Variants in TEPSIN observed in about 807,000 individuals in gnomAD.
TEPSIN encodes the protein TEPSIN adaptor related protein complex 4 accessory protein.
TEPSIN carries 50 observed loss-of-function variants against 48.5 expected under a neutral mutation model. The ratio of observed to expected loss-of-function variants is 1.03; its 90% CI spans 0.82 to 1.31. The LOEUF (loss-of-function observed/expected upper bound fraction) is 1.31. TEPSIN is among the 50% of genes most tolerant of loss of function. The probability of loss-of-function intolerance (pLI) is 0.00; values close to 1 mark genes in which losing one functional copy is unlikely to be tolerated. For missense variants in TEPSIN, 838 were observed against 815.9 expected (o/e 1.03, Z -0.33); for synonymous variants, 392 against 358.8 (o/e 1.09, Z -1.05).
At chr17:81,229,515 AC>A (rs761460241) in intron 12 of TEPSIN, 39 bp from the exon 13 acceptor site, 1 of 1,543,934 alleles carries the variant, frequency 6.5e-7, no homozygotes, top group South Asian at 1.2e-5. Context: ...TTCCTATGCA[AC>A]CCTGGGAAAT....
At chr17:81,236,852 C>G (rs1178240593) in intron 3 of TEPSIN, 51 bp from the exon 4 acceptor site, 2 of 1,544,746 alleles carry the variant, frequency 1.3e-6, no homozygotes, top group African/African-American at 1.4e-5. Flanking sequence ...ACGGGACACC[C>G]AGGGCAGGGC....
At position 81,230,696 on chromosome 17, in the gene TEPSIN, G is replaced by A. The variant is rs1371764237; in HGVS notation, c.1099-18C>T. The A allele has an allele frequency of 2.0e-6, 3 of 1,520,352 alleles. No homozygotes were observed. Among genetic ancestry groups the A allele is most frequent in the Non-Finnish European group, 2.7e-6 (3 of 1,131,476 alleles). The allele number at this position is 1,520,352 out of a possible 1,614,324, so 94.2% of individuals were successfully genotyped here. A position where few individuals can be genotyped will look rare whatever the true frequency, so the allele number is the denominator to read the frequency against. On this transcript the variant is annotated intron_variant, in intron 11 of 12. Transcript: ENST00000637944. This position sits in a 1 kb window ranked among gnomAD's most constrained non-coding sequence, Gnocchi z 4.2. Reference sequence around the variant, plus strand: ...AGCGCCCTCTGCGGGTGAAGGGAGGGGACATCAGCACCCATGGGGCAGCAG... The same window carrying A: ...AGCGCCCTCTGCGGGTGAAGGGAGGAGACATCAGCACCCATGGGGCAGCAG...
rs1399551725 is a variant in TEPSIN at position 81,231,493 on chromosome 17, C to T, written c.1020-17G>A. 1 of 1,568,346 alleles carries T rather than the reference C, an allele frequency of 6.4e-7. No homozygotes were observed. The highest frequency in any genetic ancestry group is 1.4e-5 in the African/African-American group (1 of 74,020). ...AGTCCACACCTGCACAGAGGGGACA[C>T]CTGGGTGGCGGGTGCGGCCCGTTCC... On this transcript the variant is annotated splice_polypyrimidine_tract_variant and intron_variant, in intron 10 of 12. Coordinates refer to ENST00000637944, the MANE Select transcript of TEPSIN (RefSeq NM_001363764.2).
In TEPSIN at chr17:81,234,003, T is replaced by C. The variant is rs763763327; in HGVS notation, c.353A>G (p.Gln118Arg). Residue 118 changes from glutamine to arginine, a missense_variant, in exon 5 of 13, where the codon CAG becomes CGG. By Grantham distance (43) the Gln-to-Arg change is conservative. Coordinates refer to ENST00000637944, the MANE Select transcript of TEPSIN (RefSeq NM_001363764.2). The surrounding 1 kb of genome is among the most constrained non-coding windows in gnomAD (Gnocchi z 5.4). Reference protein sequence around the residue: ...PDPLHGNSLYQKVRAAAQDLG... With the variant: ...PDPLHGNSLYRKVRAAAQDLG... ...CACCTGCGCGGCCGCGCGAACCTTCTGGTACAAGCTGTTCCCGTGCAGAGG... is the reference window on the plus strand; with the variant it reads ...CACCTGCGCGGCCGCGCGAACCTTCCGGTACAAGCTGTTCCCGTGCAGAGG... The C allele has an allele frequency of 1.9e-6, 3 of 1,597,716 alleles. No individual in the cohort carries two copies. Among genetic ancestry groups the C allele is most frequent in the Non-Finnish European group, 2.6e-6 (3 of 1,175,482 alleles).
chr17:81,229,012 G>T lies in TEPSIN; in HGVS notation c.1698C>A (p.Arg566=), dbSNP rs147469175. The change falls in exon 13 of 13, where the codon CGC becomes CGA. Residue 566 remains arginine (R), a synonymous_variant. Transcript: ENST00000637944. ...TCCTCTGGGACGATGTTTGGGGGGC[G>T]CGGGGAGCATCAGGACAGGACTCTC... ...AAGESCPDAP[R]APQTSSQRTA... is the part of the protein sequence containing the mutation. The T allele has an allele frequency of 2.5e-5, 41 of 1,613,440 alleles. No individual in the cohort carries two copies. The African/African-American group carries it at 5.5e-4, about 22-fold the overall frequency.
At position 81,236,762 on chromosome 17, in the gene TEPSIN, A is replaced by C. The variant is rs2062728537; in HGVS notation, c.253T>G (p.Ser85Ala). 1 of 1,574,460 alleles carries C rather than the reference A, an allele frequency of 6.4e-7. No homozygotes were observed. Among genetic ancestry groups the C allele is most frequent in the African/African-American group, 1.4e-5 (1 of 73,912 alleles). Residue 85 changes from serine (S) to alanine (A), a missense_variant, in exon 4 of 13, where the codon TCC (serine) becomes GCC (alanine). Transcript: ENST00000637944. ...ILLYLCSHGS[S>A]FFLLILKRNS... Reference sequence around the variant, plus strand: ...CGTTTGAGGATGAGCAGGAAGAAGGAGGAGCCGTGGCTGCACAGATAGAGC... The same window carrying C: ...CGTTTGAGGATGAGCAGGAAGAAGGCGGAGCCGTGGCTGCACAGATAGAGC...
intron 1 of TEPSIN, chr17:81,238,741 C>T: frequency 3.9e-6 from 5 of 1,268,462 alleles, no homozygotes; most frequent in Admixed American, 4.3e-5. Context: ...GTTCGTTCCC[C>T]CAGGGTCTGG....
At position 81,230,264 on chromosome 17, in the gene TEPSIN, G is replaced by A. The variant is rs2062562750; in HGVS notation, c.1233+280C>T. ...AGGTAAGTGTGAGGCCAAGACACAA[G>A]GGCAGGAACATTAAGGCAGCGGAGT... On this transcript the variant is annotated intron_variant, in intron 12 of 12. Transcript: ENST00000637944. This position sits in a 1 kb window ranked among gnomAD's most constrained non-coding sequence, Gnocchi z 4.2. 1 of 469,336 alleles carries A rather than the reference G, an allele frequency of 2.1e-6. No individual in the cohort carries two copies. The highest frequency in any genetic ancestry group is 2.7e-5 in the South Asian group (1 of 37,664). The allele number at this position is 469,336 out of a possible 1,614,324, so 29.1% of individuals were successfully genotyped here. A position where few individuals can be genotyped will look rare whatever the true frequency, so the allele number is the denominator to read the frequency against.
At position 81,230,616 on chromosome 17, in the gene TEPSIN, G is replaced by A. The variant is rs752776197; in HGVS notation, c.1161C>T (p.Leu387=). ...CCTGCAGCCACGGCCGGGTGCGGAG[G>A]AGGATGTGCTCCTGGGGGAGGAGGT... ...SSDLLPQEHI[L]LRTRPWLQEL... is the part of the protein sequence containing the mutation. Residue 387 remains leucine, a synonymous_variant, in exon 12 of 13, where the codon CTC becomes CTT. Transcript: ENST00000637944. This position sits in a 1 kb window ranked among gnomAD's most constrained non-coding sequence, Gnocchi z 4.2. The A allele has an allele frequency of 1.2e-6, 2 of 1,606,374 alleles. No homozygotes were observed. The highest frequency in any genetic ancestry group is 1.7e-4 in the Middle Eastern group (1 of 5,976).
At chr17:81,237,844 A>C (rs535914151) in intron 1 of TEPSIN, 15 of 501,314 alleles carry the variant, frequency 3.0e-5, no homozygotes, top group Non-Finnish European at 4.0e-5. Flanking sequence ...CCTTTTCCAC[A>C]CAGGGGACTA....
Position 81,233,600 on chromosome 17 carries a change from A to G in TEPSIN, c.454+38T>C. On this transcript the variant is annotated intron_variant, in intron 6 of 12. Coordinates refer to ENST00000637944, the MANE Select transcript of TEPSIN (RefSeq NM_001363764.2). The surrounding 1 kb of genome is among the most constrained non-coding windows in gnomAD (Gnocchi z 5.8). The stretch of plus-strand genomic sequence containing the variant: ...CAGGACACTCAAGGAGGCAGAAACC[A>G]GGTGCCAGAGCTGGACACGGTCCCC... 1 of 1,576,282 alleles carries G rather than the reference A, an allele frequency of 6.3e-7. No homozygotes were observed. Among genetic ancestry groups the G allele is most frequent in the Non-Finnish European group, 8.6e-7 (1 of 1,160,422 alleles).
chr17:81,239,006 G>A lies in TEPSIN; in HGVS notation c.28C>T (p.Arg10Cys), dbSNP rs1347878206. The change falls in exon 1 of 13, where the codon CGC becomes TGC. Residue 10 changes from arginine (R) to cysteine (C), a missense_variant. By Grantham distance (180) the Arg-to-Cys change is radical. Coordinates refer to ENST00000637944, the MANE Select transcript of TEPSIN (RefSeq NM_001363764.2). MAAAPPLRD[R>C]LSFLHRLPIL... Reference sequence around the variant, plus strand: ...CTCACCCGGTGTAGAAAGCTCAGGCGGTCCCGTAGCGGCGGCGCGGCAGCC... The same window carrying A: ...CTCACCCGGTGTAGAAAGCTCAGGCAGTCCCGTAGCGGCGGCGCGGCAGCC... 2.7e-6 allele frequency: 4 copies of A among 1,488,410 alleles called. No homozygotes were observed. The highest frequency in any genetic ancestry group is 2.4e-5 in the Admixed American group (1 of 41,888). 92.2% of individuals were successfully genotyped at this position (1,488,410 alleles called of 1,614,324 possible). A position where few individuals can be genotyped will look rare whatever the true frequency, so the allele number is the denominator to read the frequency against.
rs11150778 is a variant in TEPSIN, at chr17:81,234,735, G to A, written c.308-687C>T. Among the ~76,000 whole-genome samples the A allele has an allele frequency of 0.42, 64,056 of 151,716 alleles. 13,868 individuals carry two copies. Among genetic ancestry groups the A allele is most frequent in the Non-Finnish European group, 0.47 (32,120 of 67,902 alleles). On this transcript the variant is annotated intron_variant, in intron 4 of 12. Transcript: ENST00000637944. This position sits in a 1 kb window ranked among gnomAD's most constrained non-coding sequence, Gnocchi z 5.4. ...GGCTGTCCCTGGGCCCAGGGCTGGCGGCCACAAGCTGAGTCAATGGCTGGA... is the reference window on the plus strand; with the variant it reads ...GGCTGTCCCTGGGCCCAGGGCTGGCAGCCACAAGCTGAGTCAATGGCTGGA...
chr17:81,233,651 G>A lies in TEPSIN; in HGVS notation c.441C>T (p.Thr147=), dbSNP rs1175062626. ...TCAGTCACCTACCTGTGGCAGGCGGGGTCCCCAGAGGCTGGGAGGGAGCCA... is the reference window on the plus strand; with the variant it reads ...TCAGTCACCTACCTGTGGCAGGCGGAGTCCCCAGAGGCTGGGAGGGAGCCA... ...LPLAPSQPLG[T]PPATGMGSQA... is the part of the protein sequence containing the mutation. Residue 147 remains threonine (T), a synonymous_variant, in exon 6 of 13, where the codon ACC becomes ACT. Transcript: ENST00000637944. This position sits in a 1 kb window ranked among gnomAD's most constrained non-coding sequence, Gnocchi z 5.8. 1.2e-6 allele frequency: 2 copies of A among 1,600,586 alleles called. No homozygotes were observed. The highest frequency in any genetic ancestry group is 2.3e-5 in the East Asian group (1 of 44,286).
rs2062679687 is a variant in TEPSIN at position 81,234,160 on chromosome 17, C to T, written c.308-112G>A. The T allele has an allele frequency of 5.3e-6, 5 of 939,324 alleles. No individual in the cohort carries two copies. The highest frequency in any genetic ancestry group is 7.7e-6 in the Non-Finnish European group (5 of 652,964). The allele number at this position is 939,324 out of a possible 1,614,324, so 58.2% of individuals were successfully genotyped here. A position where few individuals can be genotyped will look rare whatever the true frequency, so the allele number is the denominator to read the frequency against. On this transcript the variant is annotated intron_variant, in intron 4 of 12. Coordinates refer to ENST00000637944, the MANE Select transcript of TEPSIN (RefSeq NM_001363764.2). The surrounding 1 kb of genome is among the most constrained non-coding windows in gnomAD (Gnocchi z 5.4). The stretch of plus-strand genomic sequence containing the variant: ...GGGTGGCAAGTTCCTGCCACCAAGG[C>T]CCTTCTGTCACAGCCAATGGGATGC...
rs749713517 is a variant in TEPSIN, at chr17:81,237,086, G to A, written c.122-15C>T. 6.4e-7 allele frequency: 1 copy of A among 1,570,828 alleles called. No homozygotes were observed. The highest frequency in any genetic ancestry group is 1.2e-5 in the South Asian group (1 of 86,012). On this transcript the variant is annotated splice_polypyrimidine_tract_variant and intron_variant, in intron 2 of 12. Transcript: ENST00000637944. ...GTGGGAGATTTCTGCGGCACGCTCG[G>A]GTTAGGGAAGGGCGAGATGATGAGG...
Position 81,229,005 on chromosome 17 carries a change from G to A in TEPSIN, c.1705C>T (p.Gln569Ter), listed in dbSNP as rs2062523493. Reference sequence around the variant, plus strand: ...GCTGCTGTCCTCTGGGACGATGTTTGGGGGGCGCGGGGAGCATCAGGACAG... The same window carrying A: ...GCTGCTGTCCTCTGGGACGATGTTTAGGGGGCGCGGGGAGCATCAGGACAG... The part of the protein sequence containing the change: ...ESCPDAPRAP[Q>*]TSSQRTAAKE... Residue 569 changes from glutamine to a stop codon, truncating the protein, a stop_gained, in exon 13 of 13, where the codon CAA (glutamine) becomes TAA (stop). Coordinates refer to ENST00000637944, the MANE Select transcript of TEPSIN (RefSeq NM_001363764.2). LOFTEE classifies it low-confidence loss of function (END_TRUNC). The A allele has an allele frequency of 1.2e-6, 2 of 1,613,570 alleles. No homozygotes were observed. Among genetic ancestry groups the A allele is most frequent in the South Asian group, 1.1e-5 (1 of 91,070 alleles).
rs1450914882 is a variant in TEPSIN at position 81,239,020 on chromosome 17, G to A, written c.14C>T (p.Pro5Leu). The A allele has an allele frequency of 2.7e-6, 4 of 1,488,928 alleles. No individual in the cohort carries two copies. Among genetic ancestry groups the A allele is most frequent in the Non-Finnish European group, 2.7e-6 (3 of 1,124,596 alleles). 92.2% of individuals were successfully genotyped at this position (1,488,928 alleles called of 1,614,324 possible). MAAA[P>L]PLRDRLSFLH... The stretch of plus-strand genomic sequence containing the variant: ...AAAGCTCAGGCGGTCCCGTAGCGGC[G>A]GCGCGGCAGCCATGATCCAGGTCCC... Residue 5 changes from proline to leucine, a missense_variant, in exon 1 of 13, where the codon CCG becomes CTG. Transcript: ENST00000637944.
At chr17:81,232,221 G>A (rs2062628996) in intron 8 of TEPSIN, 94 bp downstream of exon 8, 3 of 1,380,572 alleles carry the variant, frequency 2.2e-6, no homozygotes, top group Non-Finnish European at 2.9e-6. Context: ...TGCTGTGTGG[G>A]AGGCCCTGGG....
Sources: allele counts gnomAD v4.1 joint callset (sites outside exome capture counted in the v4.1 genomes callset), GRCh38; gene constraint gnomAD v4.1.1; non-coding constraint Gnocchi (gnomAD v3.1); transcripts MANE v1.5; gene names NCBI Gene and HGNC (gene_info 2026-07-23, HGNC 2026-07-21).